Variants in FCRL3 observed in about 807,000 individuals in gnomAD.
FCRL3 encodes the protein Fc receptor-like protein 3.
A neutral mutation model predicts 75.0 loss-of-function variants in FCRL3; 89 were observed. The ratio of observed to expected loss-of-function variants is 1.19; its 90% CI spans 1.00 to 1.42. The LOEUF (loss-of-function observed/expected upper bound fraction) is 1.42. Among genes scored for constraint, FCRL3 ranks in the 40% most tolerant of loss-of-function variants. The probability of loss-of-function intolerance (pLI) is 0.00; values close to 1 mark genes in which losing one functional copy is unlikely to be tolerated. For synonymous variants in FCRL3, 376 were observed against 348.5 expected (o/e 1.08, Z -0.88); for missense variants, 946 against 880.0 (o/e 1.07, Z -0.95).
In FCRL3 at chr1:157,677,983, A is replaced by C; in HGVS notation, c.*727T>G. 7.1e-6 allele frequency: 7 copies of C among 985,400 alleles called. No homozygotes were observed. The highest frequency in any genetic ancestry group is 8.4e-6 in the Non-Finnish European group (7 of 829,914). The allele number at this position is 985,400 out of a possible 1,614,324, so 61.0% of individuals were successfully genotyped here. On this transcript the variant is annotated 3_prime_UTR_variant, in exon 15 of 15. Transcript: ENST00000368184. Reference sequence around the variant, plus strand: ...ATAAGAATAAAACTGACTGACTAGAAATCTATCATGTATGGCAAATGATGA... The same window carrying C: ...ATAAGAATAAAACTGACTGACTAGACATCTATCATGTATGGCAAATGATGA...
intron 10 of FCRL3, among the ~76,000 whole-genome samples, chr1:157,686,072 C>T (rs1655158535): frequency 6.6e-6 from 1 of 151,862 alleles, no homozygotes; most frequent in African/African-American, 2.4e-5. Flanking sequence ...CTTGAAAGCC[C>T]TCAAGACTCT....
chr1:157,700,139 G>A (rs964368583), intron 2 of FCRL3, among the ~76,000 whole-genome samples: 1 of 152,208 alleles, frequency 6.6e-6, no homozygotes, highest in Non-Finnish European at 1.5e-5. Flanking sequence ...AGAAGTAACT[G>A]CTCATCTGAA....
At position 157,695,408 on chromosome 1, in the gene FCRL3, T is replaced by C. The variant is rs1290314300; in HGVS notation, c.1332A>G (p.Glu444=). 1.9e-6 allele frequency: 3 copies of C among 1,614,108 alleles called. No individual in the cohort carries two copies. The highest frequency in any genetic ancestry group is 4.5e-5 in the East Asian group (2 of 44,894). Residue 444 remains glutamate (E), a synonymous_variant, in exon 8 of 15, where the codon GAA becomes GAG. Transcript: ENST00000368184. ...CATCACAGGAGTAGTTTCCAGAATG[T>C]TCTGCAGTCAGAGAGAGGTTGAAGG... ...GASFNLSLTA[E]HSGNYSCDAD...
At chr1:157,692,896 T>C (rs1169341879) in intron 8 of FCRL3, among the ~76,000 whole-genome samples, 1 of 152,198 alleles carries the variant, frequency 6.6e-6, no homozygotes, top group African/African-American at 2.4e-5. Flanking sequence ...TGTAAGTATG[T>C]CAACTTTAAA....
chr1:157,693,295 A>AT (rs1228558540), intron 8 of FCRL3, among the ~76,000 whole-genome samples: 13 of 150,662 alleles, frequency 8.6e-5, no homozygotes, highest in Non-Finnish European at 1.6e-4. Context: ...AAAAAAAAAA[A>AT]GGAAATTCAA....
At chr1:157,698,689 A>T (rs1656125121) in intron 3 of FCRL3, 60 bp from the exon 4 acceptor site, 2 of 1,571,242 alleles carry the variant, frequency 1.3e-6, no homozygotes, top group Non-Finnish European at 1.7e-6. Flanking sequence ...GGCACAGCAC[A>T]TGGGGAGCCC....
intron 12 of FCRL3, 98 bp from the exon 13 acceptor site, chr1:157,680,868 G>T: frequency 1.4e-6 from 2 of 1,422,902 alleles, no homozygotes; most frequent in Non-Finnish European, 2.0e-6. Flanking sequence ...TATTCCCAGT[G>T]TAATGCTAGG....
chr1:157,676,731 G>C lies in FCRL3; in HGVS notation c.*1979C>G. The C allele has an allele frequency of 6.4e-7, 1 of 1,550,402 alleles. No homozygotes were observed. The highest frequency in any genetic ancestry group is 8.7e-7 in the Non-Finnish European group (1 of 1,146,900). On this transcript the variant is annotated 3_prime_UTR_variant, in exon 15 of 15. Coordinates refer to ENST00000368184, the MANE Select transcript of FCRL3 (RefSeq NM_052939.4). ...ACAGGGCTAAGTGTTACAAAGACAT[G>C]GAAAATCTTGAACTTTGTTCTTTCT...
In FCRL3 at chr1:157,677,037, A is replaced by G. The variant is rs1654504810; in HGVS notation, c.*1673T>C. ...CCTTAAAATTTTAATGCCAATATGA[A>G]CATGAACTGGCAGAGATCAGCATCT... On this transcript the variant is annotated 3_prime_UTR_variant, in exon 15 of 15. Transcript: ENST00000368184. 1 of 1,236,758 alleles carries G rather than the reference A, an allele frequency of 8.1e-7. No homozygotes were observed. Among genetic ancestry groups the G allele is most frequent in the Non-Finnish European group, 1.0e-6 (1 of 975,720 alleles). 76.6% of individuals were successfully genotyped at this position (1,236,758 alleles called of 1,614,324 possible). A position where few individuals can be genotyped will look rare whatever the true frequency, so the allele number is the denominator to read the frequency against.
In FCRL3 at chr1:157,695,605, G is replaced by A. The variant is rs765301809; in HGVS notation, c.1135C>T (p.Pro379Ser). 2 of 1,598,204 alleles carry A rather than the reference G, an allele frequency of 1.3e-6. No homozygotes were observed. Among genetic ancestry groups the A allele is most frequent in the Admixed American group, 3.5e-5 (2 of 57,056 alleles). ...AAGGTGAGGACAGGGTGAGATACCG[G>A]AACTGAAGGAGACAAAAGGGCTGTC... The part of the protein sequence containing the change: ...STWIRVTVRI[P>S]VSHPVLTFRA... Residue 379 changes from proline to serine, a missense_variant and splice_region_variant, in exon 8 of 15, where the codon CCG (proline) becomes TCG (serine). Physicochemically the swap from Pro to Ser is moderately conservative, Grantham distance 74. Coordinates refer to ENST00000368184, the MANE Select transcript of FCRL3 (RefSeq NM_052939.4).
At position 157,695,701 on chromosome 1, in the gene FCRL3, C is replaced by A. The variant is rs1350384180; in HGVS notation, c.1133-94G>T. On this transcript the variant is annotated intron_variant, in intron 7 of 14. Coordinates refer to ENST00000368184, the MANE Select transcript of FCRL3 (RefSeq NM_052939.4). ...CCTAGCAATGGATATGTCCCTTGTC[C>A]CTTGATTGTTTCTGTTTCCCCACTG... 11 of 1,379,046 alleles carry A rather than the reference C, an allele frequency of 8.0e-6. 1 individual carries two copies. Among genetic ancestry groups the A allele is most frequent in the Middle Eastern group, 3.7e-4 (2 of 5,406 alleles). The allele number at this position is 1,379,046 out of a possible 1,614,324, so 85.4% of individuals were successfully genotyped here. A position where few individuals can be genotyped will look rare whatever the true frequency, so the allele number is the denominator to read the frequency against.
intron 11 of FCRL3, among the ~76,000 whole-genome samples, chr1:157,681,792 C>G (rs993566241): frequency 1.3e-5 from 2 of 152,096 alleles, no homozygotes; most frequent in African/African-American, 2.4e-5. Flanking sequence ...GGTATTTCTA[C>G]TTCTAGATCC....
chr1:157,700,519 G>T lies in FCRL3; in HGVS notation c.-30C>A, dbSNP rs1005668548. On this transcript the variant is annotated 5_prime_UTR_variant, in exon 2 of 15. Transcript: ENST00000368184. ...ACCGGCCGGGCAGAGGGTTGGGAAAGTCTGTCTCACCAAAAGCCCGACTTA... is the reference window on the plus strand; with the variant it reads ...ACCGGCCGGGCAGAGGGTTGGGAAATTCTGTCTCACCAAAAGCCCGACTTA... 2 of 1,613,898 alleles carry T rather than the reference G, an allele frequency of 1.2e-6. No homozygotes were observed. The highest frequency in any genetic ancestry group is 4.5e-5 in the East Asian group (2 of 44,888).
In FCRL3 at chr1:157,680,775, G is replaced by A. The variant is rs1457419621; in HGVS notation, c.1958-5C>T. 1 of 1,613,638 alleles carries A rather than the reference G, an allele frequency of 6.2e-7. No homozygotes were observed. The highest frequency in any genetic ancestry group is 8.5e-7 in the Non-Finnish European group (1 of 1,179,698). On this transcript the variant is annotated splice_region_variant and splice_polypyrimidine_tract_variant and intron_variant, in intron 12 of 14. Transcript: ENST00000368184. Reference sequence around the variant, plus strand: ...GGTTGCTATCTCCAGGATTTACTGTGAGAGAAGATATCATAGTTGGTTGCA... The same window carrying A: ...GGTTGCTATCTCCAGGATTTACTGTAAGAGAAGATATCATAGTTGGTTGCA...
chr1:157,684,830 A>C (rs796853777), intron 10 of FCRL3, among the ~76,000 whole-genome samples: 18 of 152,278 alleles, frequency 1.2e-4, no homozygotes, highest in African/African-American at 4.3e-4. Context: ...CATTCCTTTT[A>C]GGAGTGATTC....
intron 4 of FCRL3, among the ~76,000 whole-genome samples, 200 bp downstream of exon 4, chr1:157,698,184 G>A (rs1036101073): frequency 2.6e-5 from 4 of 152,174 alleles, no homozygotes; most frequent in Non-Finnish European, 5.9e-5. Flanking sequence ...ATGGCCCCTG[G>A]GTCACCCACA....
intron 10 of FCRL3, among the ~76,000 whole-genome samples, chr1:157,684,915 CA>C (rs1004742374): frequency 5.3e-5 from 8 of 152,008 alleles, no homozygotes; most frequent in Non-Finnish European, 8.8e-5. Flanking sequence ...GAAGTCTTGT[CA>C]ATGGTGAGAA....
At chr1:157,700,430 C>T (rs528780069) in intron 2 of FCRL3, 29 bp downstream of exon 2, 32 of 1,613,744 alleles carry the variant, frequency 2.0e-5, no homozygotes, top group South Asian at 7.7e-5. Flanking sequence ...GAACTGAGGC[C>T]GTGGCCCCAT....
At chr1:157,694,905 G>C (rs990170847) in intron 8 of FCRL3, among the ~76,000 whole-genome samples, 1 of 152,124 alleles carries the variant, frequency 6.6e-6, no homozygotes, top group Non-Finnish European at 1.5e-5. Flanking sequence ...TAATGATCCA[G>C]GGAGCCAAGT....
Sources: allele counts gnomAD v4.1 joint callset (sites outside exome capture counted in the v4.1 genomes callset), GRCh38; gene constraint gnomAD v4.1.1; transcripts MANE v1.5; gene names NCBI Gene and HGNC (gene_info 2026-07-23, HGNC 2026-07-21).